IFT88: variants seen among roughly 807,000 people sequenced by gnomAD.
IFT88 encodes intraflagellar transport protein 88 homolog.
In IFT88, 74 loss-of-function variants were observed where a neutral mutation model predicts 119.5. That is an observed-to-expected ratio of 0.62 (90% CI 0.51 to 0.75). The LOEUF (loss-of-function observed/expected upper bound fraction) is 0.75. Ranked by LOEUF, IFT88 falls within the 30% of genes least tolerant of loss-of-function variation. IFT88 has a pLI of 0.00. For synonymous variants in IFT88, 279 were observed against 316.7 expected (o/e 0.88, Z 1.26); for missense variants, 961 against 977.7 (o/e 0.98, Z 0.23).
intron 17 of IFT88, among the ~76,000 whole-genome samples, chr13:20,638,764 A>G (rs2049411753): frequency 1.3e-5 from 2 of 152,216 alleles, no homozygotes; most frequent in Admixed American, 6.5e-5. Flanking sequence ...CTTTTCCATC[A>G]CAGTGTATAA....
intron 20 of IFT88, 106 bp from the exon 21 acceptor site, chr13:20,653,770 A>G (rs1264507225): frequency 3.7e-6 from 2 of 542,478 alleles, no homozygotes; most frequent in African/African-American, 1.9e-5. Context: ...AAATTATCTA[A>G]CAAAAGGTCA....
intron 24 of IFT88, among the ~76,000 whole-genome samples, chr13:20,678,834 G>C (rs749894553): frequency 6.6e-6 from 1 of 152,092 alleles, no homozygotes; most frequent in Admixed American, 6.5e-5. Context: ...GCTACTTCTC[G>C]CAAGATTTGG....
chr13:20,596,789 A>G (rs2041718832), intron 8 of IFT88, among the ~76,000 whole-genome samples: 1 of 152,188 alleles, frequency 6.6e-6, no homozygotes, highest in South Asian at 2.1e-4. Context: ...AGAAATGTTC[A>G]CTTTAAAAAG....
intron 14 of IFT88, among the ~76,000 whole-genome samples, chr13:20,622,780 C>CT (rs1555278332): frequency 6.6e-6 from 1 of 152,044 alleles, no homozygotes; most frequent in African/African-American, 2.4e-5. Context: ...TGTGGATTAC[C>CT]TTTTTACTCT....
intron 1 of IFT88, chr13:20,567,818 A>C: frequency 3.1e-6 from 4 of 1,285,100 alleles, no homozygotes; most frequent in Non-Finnish European, 4.1e-6. Context: ...TCTAAGCCTA[A>C]AATTACACTT....
intron 3 of IFT88, among the ~76,000 whole-genome samples, chr13:20,588,120 ATTC>A (rs2040043410): frequency 6.8e-6 from 1 of 147,716 alleles, no homozygotes; most frequent in African/African-American, 2.5e-5. Flanking sequence ...TTCTCTGACT[ATTC>A]TTTTAGTGTT....
At chr13:20,660,174 C>T (rs1305902205) in intron 22 of IFT88, among the ~76,000 whole-genome samples, 1 of 152,204 alleles carries the variant, frequency 6.6e-6, no homozygotes, top group East Asian at 1.9e-4. Flanking sequence ...GTGGGAGGGG[C>T]TGGTATTTGA....
chr13:20,568,167 A>G (rs1466490803), intron 1 of IFT88, among the ~76,000 whole-genome samples: 1 of 151,976 alleles, frequency 6.6e-6, no homozygotes, highest in Non-Finnish European at 1.5e-5. Context: ...ATTAAAAAAC[A>G]TACCTTTCAC....
chr13:20,683,441 A>G lies in IFT88; in HGVS notation c.2243-7264A>G, dbSNP rs2057540419. Among the ~76,000 whole-genome samples the G allele has an allele frequency of 2.0e-5, 3 of 152,272 alleles. 1 individual carries two copies. The highest frequency in any genetic ancestry group is 2.0e-4 in the Admixed American group (3 of 15,292). On this transcript the variant is annotated intron_variant, in intron 24 of 25. Transcript: ENST00000351808. Reference sequence around the variant, plus strand: ...TCAGGAATTAGAACTTGTGCTCCCCATTGCTGTAATAAATCTCTCCCCTAT... The same window carrying G: ...TCAGGAATTAGAACTTGTGCTCCCCGTTGCTGTAATAAATCTCTCCCCTAT...
At chr13:20,614,674 A>C (rs1046601082) in intron 13 of IFT88, among the ~76,000 whole-genome samples, 2 of 152,174 alleles carry the variant, frequency 1.3e-5, no homozygotes, top group African/African-American at 4.8e-5. Flanking sequence ...GAAAGATGTT[A>C]CTGTTGGAGG....
At chr13:20,621,526 T>TAAAAAAAAAAAAAAAA (rs200491393) in intron 14 of IFT88, among the ~76,000 whole-genome samples, 1 of 130,746 alleles carries the variant, frequency 7.6e-6, no homozygotes, top group Non-Finnish European at 1.6e-5. Context: ...CCTGCTGAGA[T>TAAAAAAAAAAAAAAAA]AAAAAAAAAA....
intron 2 of IFT88, among the ~76,000 whole-genome samples, chr13:20,578,932 GTAGT>G (rs1485862827): frequency 2.0e-5 from 3 of 151,958 alleles, no homozygotes; most frequent in African/African-American, 7.3e-5. Context: ...CTCTTTCTTT[GTAGT>G]TAGTCTGGCT....
At chr13:20,623,154 T>C (rs769602996) in intron 14 of IFT88, among the ~76,000 whole-genome samples, 1 of 152,240 alleles carries the variant, frequency 6.6e-6, no homozygotes, top group Admixed American at 6.5e-5. Flanking sequence ...GGCTCACTAC[T>C]CTATGCTATT....
chr13:20,631,227 G>T (rs969799285), intron 16 of IFT88, 125 bp downstream of exon 16: 6 of 670,042 alleles, frequency 9.0e-6, no homozygotes, highest in African/African-American at 7.1e-5. Context: ...GGACTGAGGA[G>T]TATAGAGGAT....
chr13:20,582,689 G>A (rs2038937940), intron 2 of IFT88, among the ~76,000 whole-genome samples: 1 of 152,082 alleles, frequency 6.6e-6, no homozygotes, highest in African/African-American at 2.4e-5. Flanking sequence ...GTTTCAACCC[G>A]GCACTGTGAT....
chr13:20,669,721 G>C (rs918780222), intron 23 of IFT88, among the ~76,000 whole-genome samples: 2 of 152,112 alleles, frequency 1.3e-5, no homozygotes, highest in Non-Finnish European at 2.9e-5. Flanking sequence ...ACCACACCGG[G>C]CCTATTTTCA....
At chr13:20,652,908 A>G (rs1380123302) in intron 20 of IFT88, among the ~76,000 whole-genome samples, 2 of 152,210 alleles carry the variant, frequency 1.3e-5, no homozygotes, top group Non-Finnish European at 2.9e-5. Context: ...TAGCAAATGC[A>G]GGGGATACAG....
chr13:20,675,200 A>G (rs2056506930), intron 24 of IFT88, among the ~76,000 whole-genome samples: 1 of 152,078 alleles, frequency 6.6e-6, no homozygotes, highest in Non-Finnish European at 1.5e-5. Context: ...GGACAGGCCG[A>G]CACAAGTCAG....
chr13:20,639,908 C>G (rs905588297), intron 17 of IFT88, among the ~76,000 whole-genome samples: 3 of 150,710 alleles, frequency 2.0e-5, no homozygotes, highest in Non-Finnish European at 4.4e-5. Context: ...CCTGCCGTAG[C>G]CTTCCAAGTA....
Sources: gnomAD v4.1 joint callset for allele counts (sites outside exome capture counted in the v4.1 genomes callset) on GRCh38, gnomAD v4.1.1 for gene constraint, MANE v1.5 for transcripts, NCBI Gene and HGNC (gene_info 2026-07-23, HGNC 2026-07-21) for gene names.